The following ERBB4 variants were observed in gnomAD, a reference collection of about 807,000 sequenced individuals.
ERBB4 encodes receptor tyrosine-protein kinase erbB-4.
ERBB4 carries 42 observed loss-of-function variants against 158.0 expected under a neutral mutation model. The observed-to-expected ratio is 0.27, with a 90% CI of 0.21 to 0.34. The LOEUF is 0.34. Among genes scored for constraint, ERBB4 ranks in the 10% least tolerant of loss-of-function variants. The probability of loss-of-function intolerance (pLI) is 1.00; values close to 1 mark genes in which losing one functional copy is unlikely to be tolerated. For missense variants in ERBB4, 1,333 were observed against 1,624.1 expected (o/e 0.82, Z 3.08); for synonymous variants, 583 against 558.7 (o/e 1.04, Z -0.61).
chr2:211,498,090 A>G (rs2065519187), intron 20 of ERBB4, among the ~76,000 whole-genome samples: 1 of 152,132 alleles, frequency 6.6e-6, no homozygotes. Context: ...GGAGCACCAC[A>G]TGAAACCCTT....
intron 1 of ERBB4, among the ~76,000 whole-genome samples, chr2:212,510,582 T>C (rs1691462698): frequency 6.6e-6 from 1 of 152,004 alleles, no homozygotes; most frequent in Non-Finnish European, 1.5e-5. Context: ...CATGTCATGG[T>C]AGGATCAAAA....
intron 3 of ERBB4, among the ~76,000 whole-genome samples, chr2:211,820,463 T>C (rs1170390073): frequency 6.6e-6 from 1 of 151,744 alleles, no homozygotes; most frequent in Non-Finnish European, 1.5e-5. Flanking sequence ...CAAAGAAAAG[T>C]CTAAGACCAA....
chr2:211,928,474 G>A (rs937156129), intron 3 of ERBB4, among the ~76,000 whole-genome samples: 10 of 152,118 alleles, frequency 6.6e-5, no homozygotes, highest in African/African-American at 2.4e-4. Flanking sequence ...AAGAGGGCTC[G>A]GACTTCTTAA....
At chr2:212,010,389 T>C (rs1457625079) in intron 2 of ERBB4, among the ~76,000 whole-genome samples, 1 of 152,134 alleles carries the variant, frequency 6.6e-6, no homozygotes, top group Admixed American at 6.6e-5. Flanking sequence ...TTTGTTTATT[T>C]ATTTATTTTT....
intron 2 of ERBB4, among the ~76,000 whole-genome samples, chr2:212,052,239 G>A (rs1178113011): frequency 6.6e-6 from 1 of 152,270 alleles, no homozygotes; most frequent in Non-Finnish European, 1.5e-5. Flanking sequence ...CAGACTCCTA[G>A]CTCTTCAGCT....
intron 19 of ERBB4, among the ~76,000 whole-genome samples, chr2:211,617,010 T>C (rs753995502): frequency 2.6e-5 from 4 of 152,090 alleles, no homozygotes; most frequent in Non-Finnish European, 5.9e-5. Flanking sequence ...ATCTCCACTC[T>C]TGTTTCCATG....
chr2:211,714,053 C>A (rs2073813510), intron 7 of ERBB4, among the ~76,000 whole-genome samples: 1 of 152,208 alleles, frequency 6.6e-6, no homozygotes. Flanking sequence ...TGCCTTGGAT[C>A]AGAGTACATT....
intron 1 of ERBB4, among the ~76,000 whole-genome samples, chr2:212,261,518 C>T (rs1440498957): frequency 6.6e-6 from 1 of 151,888 alleles, no homozygotes; most frequent in African/African-American, 2.4e-5. Context: ...AAAATAGAAC[C>T]CAAATTAACA....
intron 1 of ERBB4, among the ~76,000 whole-genome samples, chr2:212,494,069 T>A (rs112467471): frequency 6.6e-6 from 1 of 151,888 alleles, no homozygotes; most frequent in Non-Finnish European, 1.5e-5. Flanking sequence ...AACTATTATA[T>A]GTATACTGGA....
intron 1 of ERBB4, among the ~76,000 whole-genome samples, chr2:212,403,370 A>G (rs960699609): frequency 1.3e-5 from 2 of 152,068 alleles, no homozygotes; most frequent in African/African-American, 4.8e-5. Flanking sequence ...AAATAGAACT[A>G]CATACCAGCA....
intron 1 of ERBB4, among the ~76,000 whole-genome samples, chr2:212,267,597 C>CTTTTTTTTTTCTTTTTT: frequency 2.1e-5 from 1 of 47,616 alleles, no homozygotes; most frequent in Non-Finnish European, 5.2e-5. Flanking sequence ...GTTCTCATTT[C>CTTTTTTTTTTCTTTTTT]TTTTTTTTTT....
intron 3 of ERBB4, among the ~76,000 whole-genome samples, chr2:211,938,061 A>C (rs1689419411): frequency 6.6e-6 from 1 of 152,278 alleles, no homozygotes; most frequent in South Asian, 2.1e-4. Context: ...CAAATCAAAA[A>C]TGACACATTC....
At chr2:212,155,256 A>T (rs2080998509) in intron 1 of ERBB4, among the ~76,000 whole-genome samples, 1 of 152,110 alleles carries the variant, frequency 6.6e-6, no homozygotes, top group African/African-American at 2.4e-5. Flanking sequence ...TTCTATGCAC[A>T]TTTTAAATAC....
chr2:211,553,191 A>G (rs1373613134), intron 20 of ERBB4, among the ~76,000 whole-genome samples: 1 of 152,160 alleles, frequency 6.6e-6, no homozygotes, highest in South Asian at 2.1e-4. Flanking sequence ...CTGGTCTCGA[A>G]CTTCCGACCT....
chr2:211,577,912 G>A (rs1456753261), intron 19 of ERBB4, among the ~76,000 whole-genome samples: 2 of 152,106 alleles, frequency 1.3e-5, no homozygotes, highest in African/African-American at 4.8e-5. Flanking sequence ...AGACAAGGAT[G>A]CCCTCTCTCA....
At chr2:212,052,480 T>C (rs1378343191) in intron 2 of ERBB4, among the ~76,000 whole-genome samples, 2 of 152,120 alleles carry the variant, frequency 1.3e-5, no homozygotes, top group African/African-American at 4.8e-5. Flanking sequence ...ACTAGTTCTG[T>C]CCCCCTAGAG....
chr2:212,260,959 G>T (rs1352506001), intron 1 of ERBB4, among the ~76,000 whole-genome samples: 1 of 152,032 alleles, frequency 6.6e-6, no homozygotes, highest in Non-Finnish European at 1.5e-5. Flanking sequence ...ATAGATATGA[G>T]TAAAGTATGT....
chr2:212,217,974 C>A (rs1039727537), intron 1 of ERBB4, among the ~76,000 whole-genome samples: 12 of 151,156 alleles, frequency 7.9e-5, no homozygotes, highest in African/African-American at 2.9e-4. Flanking sequence ...ACCCAAAGAT[C>A]AATAACTATT....
chr2:212,328,776 A>G (rs1207231787), intron 1 of ERBB4, among the ~76,000 whole-genome samples: 1 of 151,992 alleles, frequency 6.6e-6, no homozygotes, highest in Non-Finnish European at 1.5e-5. Flanking sequence ...ATTATACACT[A>G]ATTTCCCTTG....
Sources: gnomAD v4.1 joint callset for allele counts (sites outside exome capture counted in the v4.1 genomes callset) on GRCh38, gnomAD v4.1.1 for gene constraint, MANE v1.5 for transcripts, NCBI Gene and HGNC (gene_info 2026-07-23, HGNC 2026-07-21) for gene names.